Variants in RNF111 observed in about 807,000 individuals in gnomAD.
The protein encoded by RNF111 is E3 ubiquitin-protein ligase Arkadia.
Under a neutral mutation model 95.1 loss-of-function variants are expected in RNF111, and 17 were observed. The ratio of observed to expected loss-of-function variants is 0.18; its 90% CI spans 0.12 to 0.27. RNF111 has a LOEUF of 0.27. Among genes scored for constraint, RNF111 ranks in the 10% least tolerant of loss-of-function variants. The pLI is 1.00. For missense variants in RNF111, 1,189 were observed against 1,210.4 expected, an observed-to-expected ratio of 0.98 and a Z score of 0.26; for synonymous variants, 440 against 414.8, an observed-to-expected ratio of 1.06 and a Z score of -0.74.
intron 1 of RNF111, among the ~76,000 whole-genome samples, chr15:58,997,716 T>C (rs1490903537): frequency 2.0e-5 from 3 of 150,220 alleles, no homozygotes; most frequent in Non-Finnish European, 4.4e-5. Context: ...CTCGGGAGGC[T>C]GAGGCAGGAG....
At chr15:59,076,355 T>G in intron 7 of RNF111, 140 bp downstream of exon 7, 1 of 971,796 alleles carries the variant, frequency 1.0e-6, no homozygotes, top group Non-Finnish European at 1.5e-6. Context: ...TTTTTTCCCA[T>G]GTTAGTATTA....
intron 1 of RNF111, among the ~76,000 whole-genome samples, chr15:58,994,318 C>T (rs543399426): frequency 4.0e-5 from 6 of 151,304 alleles, no homozygotes; most frequent in African/African-American, 4.8e-5. Flanking sequence ...GGATTACAGG[C>T]GTGAGCCACC....
At chr15:59,060,496 C>T (rs1443942979) in intron 5 of RNF111, among the ~76,000 whole-genome samples, 1 of 152,032 alleles carries the variant, frequency 6.6e-6, no homozygotes, top group Non-Finnish European at 1.5e-5. Context: ...ATTAGTGAGG[C>T]TTGGTGACAC....
chr15:59,051,085 A>G (rs1278194617), intron 2 of RNF111, among the ~76,000 whole-genome samples: 1 of 152,250 alleles, frequency 6.6e-6, no homozygotes, highest in African/African-American at 2.4e-5. Flanking sequence ...CTCTAATTTA[A>G]TACTTATCCA....
chr15:59,015,945 G>A (rs1189188627), intron 1 of RNF111, among the ~76,000 whole-genome samples: 2 of 151,802 alleles, frequency 1.3e-5, no homozygotes, highest in East Asian at 3.9e-4. Flanking sequence ...TCTGCCCCTG[G>A]GCTCAAGTGA....
At chr15:59,014,758 C>CT (rs1235678150) in intron 1 of RNF111, among the ~76,000 whole-genome samples, 6,312 of 140,518 alleles carry the variant, frequency 0.045, 187 homozygotes, top group African/African-American at 0.09. Flanking sequence ...GAATTGCAGA[C>CT]TTTTTTTTTT....
chr15:59,033,681 A>G (rs1246981741), intron 2 of RNF111, among the ~76,000 whole-genome samples: 1 of 152,206 alleles, frequency 6.6e-6, no homozygotes, highest in Non-Finnish European at 1.5e-5. Flanking sequence ...ATTGAATGTC[A>G]TTATCAGTGC....
At chr15:59,010,032 G>A (rs573090451) in intron 1 of RNF111, among the ~76,000 whole-genome samples, 15 of 152,242 alleles carry the variant, frequency 9.9e-5, no homozygotes, top group Admixed American at 5.2e-4. Context: ...TTGTCATTCA[G>A]TTTATATGCA....
At chr15:58,991,497 G>A (rs923490275) in intron 1 of RNF111, among the ~76,000 whole-genome samples, 5 of 152,194 alleles carry the variant, frequency 3.3e-5, no homozygotes, top group African/African-American at 1.2e-4. Flanking sequence ...GTTTCAGGTA[G>A]TGGTAAGTGC....
At chr15:59,057,956 C>G (rs1477095564) in intron 4 of RNF111, among the ~76,000 whole-genome samples, 2 of 152,178 alleles carry the variant, frequency 1.3e-5, no homozygotes, top group Non-Finnish European at 2.9e-5. Flanking sequence ...ACCCTAGAAT[C>G]CATATTGTGT....
chr15:59,058,596 G>A (rs765534518), intron 5 of RNF111, 46 bp downstream of exon 5: 33 of 1,499,930 alleles, frequency 2.2e-5, no homozygotes, highest in Admixed American at 1.0e-4. Flanking sequence ...CATTACTTTC[G>A]TTAGGAAAAG....
At chr15:59,020,925 T>G (rs1933447097) in intron 1 of RNF111, among the ~76,000 whole-genome samples, 1 of 152,222 alleles carries the variant, frequency 6.6e-6, no homozygotes, top group South Asian at 2.1e-4. Flanking sequence ...TTTTATTTTT[T>G]AAATCTCAGT....
intron 6 of RNF111, among the ~76,000 whole-genome samples, chr15:59,067,318 C>G (rs1384756096): frequency 6.7e-6 from 1 of 150,314 alleles, no homozygotes; most frequent in Non-Finnish European, 1.5e-5. Context: ...CTTCCCTTTC[C>G]TCTTCCCCTT....
intron 9 of RNF111, 98 bp downstream of exon 9, chr15:59,084,352 G>A (rs564504768): frequency 1.4e-5 from 17 of 1,233,272 alleles, no homozygotes; most frequent in South Asian, 4.5e-5. Context: ...GAAGGATGAT[G>A]TGGAGAAACC....
chr15:59,047,904 A>C (rs1248467212), intron 2 of RNF111, among the ~76,000 whole-genome samples: 1 of 152,240 alleles, frequency 6.6e-6, no homozygotes, highest in African/African-American at 2.4e-5. Context: ...TATTAAAACC[A>C]CAATGAGATA....
intron 1 of RNF111, among the ~76,000 whole-genome samples, chr15:59,022,120 A>T (rs1421518200): frequency 2.0e-5 from 3 of 152,126 alleles, no homozygotes; most frequent in African/African-American, 7.2e-5. Flanking sequence ...TTGGCCGCCC[A>T]AAGTGCTGGG....
At chr15:59,057,049 G>T (rs1322143171) in intron 4 of RNF111, among the ~76,000 whole-genome samples, 8 of 152,108 alleles carry the variant, frequency 5.3e-5, no homozygotes, top group Admixed American at 5.2e-4. Context: ...CTAAAACTAA[G>T]TACATCAGAC....
Position 59,076,070 on chromosome 15 carries a change from C to T in RNF111, c.1803C>T (p.Ile601=). 1 of 1,614,238 alleles carries T rather than the reference C, an allele frequency of 6.2e-7. No individual in the cohort carries two copies. Among genetic ancestry groups the T allele is most frequent in the African/African-American group, 1.3e-5 (1 of 75,064 alleles). Residue 601 remains isoleucine, a synonymous_variant, in exon 7 of 14, where the codon ATC becomes ATT. Coordinates refer to ENST00000348370, the MANE Select transcript of RNF111 (RefSeq NM_017610.8). ...CCPVSSSRAA[I]FGHQAAAAAP... ...CTGTTTCTTCCTCCCGAGCTGCAAT[C>T]TTTGGCCATCAGGCCGCTGCTGCTG...
At chr15:59,075,045 T>C (rs2043108640) in intron 6 of RNF111, among the ~76,000 whole-genome samples, 1 of 152,214 alleles carries the variant, frequency 6.6e-6, no homozygotes, top group Non-Finnish European at 1.5e-5. Flanking sequence ...TGGGCACAGT[T>C]CTTGGTGCCT....
Sources: gnomAD v4.1 joint callset for allele counts (sites outside exome capture counted in the v4.1 genomes callset) on GRCh38, gnomAD v4.1.1 for gene constraint, MANE v1.5 for transcripts, NCBI Gene and HGNC (gene_info 2026-07-23, HGNC 2026-07-21) for gene names.